INAVA: variants seen among roughly 807,000 people sequenced by gnomAD.
INAVA encodes innate immunity activator.
A neutral mutation model predicts 55.3 loss-of-function variants in INAVA; 32 were observed. The observed-to-expected ratio is 0.58, with a 90% CI of 0.44 to 0.78. INAVA has a LOEUF of 0.78. Ranked by LOEUF, INAVA falls within the 30% of genes least tolerant of loss-of-function variation. The pLI is 0.00. For missense variants in INAVA, 756 were observed against 786.4 expected (o/e 0.96, Z 0.46); for synonymous variants, 294 against 329.4 (o/e 0.89, Z 1.16).
intron 1 of INAVA, among the ~76,000 whole-genome samples, chr1:200,895,921 C>T (rs970682820): frequency 2.0e-5 from 3 of 152,158 alleles, no homozygotes; most frequent in Non-Finnish European, 4.4e-5. Context: ...GGGCATCTGA[C>T]GCTGTTCTCT....
chr1:200,912,267 C>A, intron 9 of INAVA, 130 bp downstream of exon 9: 1 of 900,578 alleles, frequency 1.1e-6, no homozygotes, highest in Non-Finnish European at 1.6e-6. Flanking sequence ...TAATCCCCGT[C>A]TAGGAAGAAC....
chr1:200,899,359 G>GTGTGTGTGTGTGTGCA (rs1653123543), intron 2 of INAVA, 114 bp from the exon 3 acceptor site: 2 of 1,135,810 alleles, frequency 1.8e-6, no homozygotes, highest in South Asian at 3.6e-5. Flanking sequence ...GGCATGAGAT[G>GTGTGTGTGTGTGTGCA]TGTGTGTGTG....
chr1:200,909,093 T>TCCC, intron 7 of INAVA, 131 bp from the exon 8 acceptor site: 1 of 1,293,442 alleles, frequency 7.7e-7, no homozygotes, highest in Non-Finnish European at 1.1e-6. Context: ...CCTTGATAGT[T>TCCC]CCCCAAGGGT....
Position 200,900,967 on chromosome 1 carries a change from G to A in INAVA, c.328G>A (p.Ala110Thr), listed in dbSNP as rs762645904. 4.2e-5 allele frequency: 66 copies of A among 1,554,888 alleles called. No homozygotes were observed. The highest frequency in any genetic ancestry group is 5.4e-5 in the Non-Finnish European group (62 of 1,148,744). The change falls in exon 5 of 10, where the codon GCC (alanine) becomes ACC (threonine). Residue 110 changes from alanine to threonine, a missense_variant. Physicochemically the swap from Ala to Thr is moderately conservative, Grantham distance 58 (BLOSUM62 0). Around this residue, in one of 2 missense-constraint regions of INAVA, gnomAD observed 639 missense variants for 624.3 expected, o/e 1.02. Transcript: ENST00000413687. ...DPLSSLERQL[A>T]LQLQITEAAR... The stretch of plus-strand genomic sequence containing the variant: ...CCTAAGCAGCCTGGAGCGCCAGCTG[G>A]CCCTGCAGCTGCAGATCACAGAGGC...
At chr1:200,899,891 T>G (rs1405992140) in intron 3 of INAVA, among the ~76,000 whole-genome samples, 1 of 152,194 alleles carries the variant, frequency 6.6e-6, no homozygotes, top group African/African-American at 2.4e-5. Context: ...GGTGTAGCTC[T>G]GGAGGAAGTG....
Position 200,900,123 on chromosome 1 carries a change from C to T in INAVA, c.200C>T (p.Pro67Leu). 6.2e-7 allele frequency: 1 copy of T among 1,613,448 alleles called. No individual in the cohort carries two copies. Among genetic ancestry groups the T allele is most frequent in the Non-Finnish European group, 8.5e-7 (1 of 1,179,662 alleles). Residue 67 changes from proline (P) to leucine (L), a missense_variant, in exon 4 of 10, where the codon CCA (proline) becomes CTA (leucine). By Grantham distance (98) the Pro-to-Leu change is moderately conservative. Coordinates refer to ENST00000413687, the MANE Select transcript of INAVA (RefSeq NM_001142569.3). ...LREAELTGTL[P>L]AEYPLKPGEK... is the part of the protein sequence containing the mutation. ...CCCCAGGAGCTGACGGGCACCTTGC[C>T]AGCGGAGTATCCCCTCAAACCAGGG... is the stretch of plus-strand genomic sequence containing the variant.
Position 200,911,523 on chromosome 1 carries a change from T to C in INAVA, c.1030T>C (p.Tyr344His). ...CTTTCCCCGCCGCCGCCCCACTCAC[T>C]ACACGGTGACAGTGCCAGATTCCTG... The part of the protein sequence containing the change: ...SAFPRRRPTH[Y>H]TVTVPDSCFP... Residue 344 changes from tyrosine to histidine, a missense_variant, in exon 9 of 10, where the codon TAC becomes CAC. Physicochemically the swap from Tyr to His is moderately conservative, Grantham distance 83. Coordinates refer to ENST00000413687, the MANE Select transcript of INAVA (RefSeq NM_001142569.3). 1.9e-6 allele frequency: 3 copies of C among 1,613,804 alleles called. No individual in the cohort carries two copies. Among genetic ancestry groups the C allele is most frequent in the Non-Finnish European group, 2.5e-6 (3 of 1,179,948 alleles).
At position 200,900,942 on chromosome 1, in the gene INAVA, C is replaced by G. The variant is rs924031909; in HGVS notation, c.303C>G (p.Pro101=). The G allele has an allele frequency of 6.5e-7, 1 of 1,548,816 alleles. No homozygotes were observed. Among genetic ancestry groups the G allele is most frequent in the East Asian group, 2.4e-5 (1 of 41,176 alleles). Residue 101 remains proline (P), a synonymous_variant, in exon 5 of 10, where the codon CCC becomes CCG. Transcript: ENST00000413687. ...LDDWALHRED[P]LSSLERQLAL... ...ACTCCTGCCCCCTCTCTCAGGACCC[C>G]CTAAGCAGCCTGGAGCGCCAGCTGG...
In INAVA at chr1:200,914,426, AG is replaced by A. The variant is rs1051257718; in HGVS notation, c.*800del. ...TTGACAGCTACCTCTGGGCATCTCA[AG>A]GGCTTGCAGCCCCACTGCTCCTTCT... On this transcript the variant is annotated 3_prime_UTR_variant, in exon 10 of 10. Transcript: ENST00000413687. 2.0e-5 allele frequency: 3 copies of A among 152,360 alleles called. No individual in the cohort carries two copies. The highest frequency in any genetic ancestry group is 7.2e-5 in the African/African-American group (3 of 41,560). 9.4% of individuals were successfully genotyped at this position (152,360 alleles called of 1,614,324 possible). A position where few individuals can be genotyped will look rare whatever the true frequency, so the allele number is the denominator to read the frequency against.
intron 8 of INAVA, 100 bp from the exon 9 acceptor site, chr1:200,911,353 G>A (rs1653712557): frequency 9.0e-7 from 1 of 1,117,284 alleles, no homozygotes; most frequent in African/African-American, 1.5e-5. Context: ...TGGGCCTTGA[G>A]GTAGAGCAGG....
chr1:200,907,775 T>A, intron 5 of INAVA, 59 bp from the exon 6 acceptor site: 2 of 1,460,854 alleles, frequency 1.4e-6, no homozygotes, highest in Non-Finnish European at 1.9e-6. Context: ...TGCTGGTTAC[T>A]CATATCTGTT....
Position 200,900,155 on chromosome 1 carries a change from G to A in INAVA, c.232G>A (p.Ala78Thr). The A allele has an allele frequency of 6.2e-7, 1 of 1,614,120 alleles. No homozygotes were observed. The highest frequency in any genetic ancestry group is 1.3e-5 in the African/African-American group (1 of 75,058). Reference protein sequence around the residue: ...AEYPLKPGEKAPKVRRRIGAA... With the variant: ...AEYPLKPGEKTPKVRRRIGAA... ...GTATCCCCTCAAACCAGGGGAAAAG[G>A]CCCCCAAGGTTCGCCGCAGGATCGG... The change falls in exon 4 of 10, where the codon GCC (alanine) becomes ACC (threonine). Residue 78 changes from alanine to threonine, a missense_variant. By Grantham distance (58) the Ala-to-Thr change is moderately conservative (BLOSUM62 0). This residue lies in a region of INAVA where 639 missense variants were observed against 624.3 expected (regional missense o/e 1.02). Coordinates refer to ENST00000413687, the MANE Select transcript of INAVA (RefSeq NM_001142569.3).
At position 200,897,195 on chromosome 1, in the gene INAVA, G is replaced by A. The variant is rs566151408; in HGVS notation, c.-94-1112G>A. 7.2e-5 allele frequency among the ~76,000 whole-genome samples: 11 copies of A among 152,360 alleles called. 1 individual carries two copies. In the South Asian group the frequency reaches 2.3e-3, roughly 32 times the overall value. ...GTTCTCCACCCCGAAGCAGGCAGAG[G>A]AGCAGGTGATCTCCTTTCTGTCCTT... On this transcript the variant is annotated intron_variant, in intron 1 of 9. Transcript: ENST00000413687.
chr1:200,911,935 T>G lies in INAVA; in HGVS notation c.1442T>G (p.Val481Gly). The G allele has an allele frequency of 6.4e-7, 1 of 1,558,864 alleles. No individual in the cohort carries two copies. The highest frequency in any genetic ancestry group is 1.2e-5 in the South Asian group (1 of 86,080). Reference sequence around the variant, plus strand: ...CTGGTGCCCTCCCGCAGCCGCATCGTGCGGACGCCCTCCCTGAAGGACAGC... The same window carrying G: ...CTGGTGCCCTCCCGCAGCCGCATCGGGCGGACGCCCTCCCTGAAGGACAGC... ...QRLVPSRSRIVRTPSLKDSPA... is the reference protein window; with the variant it reads ...QRLVPSRSRIGRTPSLKDSPA... The change falls in exon 9 of 10, where the codon GTG becomes GGG. Residue 481 changes from valine (V) to glycine (G), a missense_variant. By Grantham distance (109) the Val-to-Gly change is moderately radical (BLOSUM62 -3). This residue lies in a region of INAVA where 117 missense variants were observed against 162.1 expected (regional missense o/e 0.72). Transcript: ENST00000413687.
chr1:200,896,982 C>T (rs570752378), intron 1 of INAVA, among the ~76,000 whole-genome samples: 1 of 152,370 alleles, frequency 6.6e-6, no homozygotes, highest in South Asian at 2.1e-4. Flanking sequence ...CAGACCCAAC[C>T]ACCTGCATGG....
upstream of INAVA, chr1:200,891,828 G>A (rs1668245278): frequency 3.5e-6 from 2 of 571,360 alleles, no homozygotes; most frequent in East Asian, 3.5e-5. Context: ...TTTCAAAGGG[G>A]CAGGAATTCT....
At chr1:200,906,253 T>C (rs1169402892) in intron 5 of INAVA, 1 of 152,242 alleles carries the variant, frequency 6.6e-6, no homozygotes, top group East Asian at 1.9e-4. Flanking sequence ...GTGTGGTGGC[T>C]CACGCCTGTG....
chr1:200,903,351 G>A, intron 5 of INAVA, among the ~76,000 whole-genome samples: 1 of 152,066 alleles, frequency 6.6e-6, no homozygotes, highest in African/African-American at 2.4e-5. Flanking sequence ...AGACATGGTG[G>A]TGCATGTCTG....
intron 5 of INAVA, among the ~76,000 whole-genome samples, chr1:200,905,873 T>C (rs1211258583): frequency 1.3e-5 from 2 of 152,220 alleles, no homozygotes; most frequent in South Asian, 2.1e-4. Flanking sequence ...GCATTTGAGA[T>C]GCAAGCTCAC....
Sources: allele counts gnomAD v4.1 joint callset (sites outside exome capture counted in the v4.1 genomes callset), GRCh38; gene constraint gnomAD v4.1.1; regional missense constraint gnomAD v4.1.1; transcripts MANE v1.5; gene names NCBI Gene and HGNC (gene_info 2026-07-23, HGNC 2026-07-21).